The following PDHX variants were observed in gnomAD, a reference collection of about 807,000 sequenced individuals.
The protein encoded by PDHX is pyruvate dehydrogenase complex component X, also known as pyruvate dehydrogenase protein X component, mitochondrial.
Under a neutral mutation model 55.3 loss-of-function variants are expected in PDHX, and 33 were observed. That is an observed-to-expected ratio of 0.60 (90% CI 0.45 to 0.80). The LOEUF is 0.80. Among genes scored for constraint, PDHX ranks in the 30% least tolerant of loss-of-function variants. PDHX has a pLI of 0.00. For missense variants in PDHX, 622 were observed against 619.9 expected, an observed-to-expected ratio of 1.00 and a Z score of -0.04; for synonymous variants, 226 against 219.4, an observed-to-expected ratio of 1.03 and a Z score of -0.27.
chr11:34,986,658 T>C (rs1412093101), intron 9 of PDHX, among the ~76,000 whole-genome samples: 1 of 152,224 alleles, frequency 6.6e-6, no homozygotes, highest in Non-Finnish European at 1.5e-5. Context: ...TAAGTAGTTA[T>C]GTTAGCTTTC....
intron 9 of PDHX, among the ~76,000 whole-genome samples, chr11:34,987,729 A>AGT (rs112490795): frequency 0.066 from 9,809 of 149,152 alleles, 500 homozygotes; most frequent in African/African-American, 0.14. Flanking sequence ...AGAAACCCTG[A>AGT]GTGTGTGTGT....
intron 1 of PDHX, among the ~76,000 whole-genome samples, chr11:34,927,023 A>C (rs1259540510): frequency 2.0e-5 from 3 of 151,484 alleles, no homozygotes; most frequent in Admixed American, 1.3e-4. Context: ...GTAAAAAAAG[A>C]GTAAAATAGT....
chr11:34,939,728 A>C (rs2133954749), intron 2 of PDHX, among the ~76,000 whole-genome samples: 1 of 152,318 alleles, frequency 6.6e-6, no homozygotes, highest in African/African-American at 2.4e-5. Flanking sequence ...ATGCAGTATT[A>C]TAGCATATAA....
intron 3 of PDHX, 45 bp downstream of exon 3, chr11:34,947,651 G>T: frequency 7.9e-7 from 1 of 1,271,450 alleles, no homozygotes; most frequent in South Asian, 1.2e-5. Flanking sequence ...AAGATTTCTT[G>T]AGTGGAAAGT....
chr11:34,929,535 A>G (rs538838306), intron 1 of PDHX, among the ~76,000 whole-genome samples: 45 of 152,346 alleles, frequency 3.0e-4, no homozygotes, highest in Middle Eastern at 3.4e-3. Context: ...GAAAAGGCTT[A>G]TAAGGATATT....
At chr11:34,937,523 G>A (rs1404732330) in intron 2 of PDHX, among the ~76,000 whole-genome samples, 1 of 151,282 alleles carries the variant, frequency 6.6e-6, no homozygotes, top group African/African-American at 2.4e-5. Context: ...TTTGAATATG[G>A]TAAGATTTGA....
chr11:34,918,276 TAAA>T (rs11452994), intron 1 of PDHX, among the ~76,000 whole-genome samples: 2 of 142,324 alleles, frequency 1.4e-5, no homozygotes, highest in Non-Finnish European at 3.1e-5. Flanking sequence ...CGTCTCTACT[TAAA>T]AAAAAAAAAA....
intron 1 of PDHX, among the ~76,000 whole-genome samples, chr11:34,929,278 C>T (rs186253492): frequency 3.2e-3 from 494 of 152,258 alleles, no homozygotes; most frequent in African/African-American, 0.011. Flanking sequence ...GTCTGTTGCC[C>T]ATGCTGGAGT....
intron 1 of PDHX, among the ~76,000 whole-genome samples, chr11:34,917,797 A>T (rs1023617361): frequency 6.6e-6 from 1 of 152,182 alleles, no homozygotes. Context: ...TTCATAACAT[A>T]TTCCTTGGAG....
chr11:34,950,120 A>G (rs1854720857), intron 3 of PDHX, among the ~76,000 whole-genome samples: 1 of 151,978 alleles, frequency 6.6e-6, no homozygotes, highest in Non-Finnish European at 1.5e-5. Context: ...TGTATTCGTT[A>G]GATACCCCTT....
intron 2 of PDHX, among the ~76,000 whole-genome samples, chr11:34,933,645 C>T (rs1406953015): frequency 6.6e-6 from 1 of 152,136 alleles, no homozygotes; most frequent in Non-Finnish European, 1.5e-5. Flanking sequence ...ACCCCTAGAA[C>T]CCAGACTGTC....
intron 2 of PDHX, among the ~76,000 whole-genome samples, chr11:34,939,675 TATG>T (rs1673087978): frequency 6.6e-6 from 1 of 152,246 alleles, no homozygotes; most frequent in Non-Finnish European, 1.5e-5. Context: ...TTTATAATTC[TATG>T]ATAACTCATT....
intron 3 of PDHX, among the ~76,000 whole-genome samples, chr11:34,951,859 T>G (rs1173143876): frequency 1.3e-5 from 2 of 152,230 alleles, no homozygotes; most frequent in East Asian, 3.8e-4. Flanking sequence ...TAATCCACCT[T>G]GAATTAATTT....
At chr11:34,988,361 T>TG (rs1282347182) in intron 9 of PDHX, among the ~76,000 whole-genome samples, 2 of 151,982 alleles carry the variant, frequency 1.3e-5, no homozygotes, top group Non-Finnish European at 2.9e-5. Flanking sequence ...AAGCAACTGA[T>TG]GGGAAAAAAG....
intron 1 of PDHX, among the ~76,000 whole-genome samples, chr11:34,926,349 T>G (rs1854019940): frequency 6.6e-6 from 1 of 152,172 alleles, no homozygotes. Context: ...GACATTGGAA[T>G]GAGAAGTGAT....
intron 1 of PDHX, among the ~76,000 whole-genome samples, chr11:34,920,378 G>A (rs1840204585): frequency 6.6e-6 from 1 of 152,094 alleles, no homozygotes; most frequent in African/African-American, 2.4e-5. Flanking sequence ...ATAATTATAG[G>A]CAATACATAT....
intron 8 of PDHX, among the ~76,000 whole-genome samples, chr11:34,982,840 A>C (rs956857507): frequency 6.6e-6 from 1 of 152,232 alleles, no homozygotes; most frequent in African/African-American, 2.4e-5. Context: ...ATTCTACCAG[A>C]GGTACAAGGA....
rs1855139673 is a variant in PDHX, at chr11:34,966,733, G to A, written c.735G>A (p.Ser245=). 1.9e-6 allele frequency: 3 copies of A among 1,614,026 alleles called. No homozygotes were observed. Among genetic ancestry groups the A allele is most frequent in the Non-Finnish European group, 2.5e-6 (3 of 1,179,972 alleles). Residue 245 remains serine (S), a synonymous_variant, in exon 6 of 11, where the codon TCG becomes TCA. Coordinates refer to ENST00000227868, the MANE Select transcript of PDHX (RefSeq NM_003477.3). The stretch of plus-strand genomic sequence containing the variant: ...CCACAGCCACTCCCACAGCACCTTC[G>A]CCCCTACAGGCCACAGCTGGACCAT... ...PAPTATPTAP[S]PLQATAGPSY... is the part of the protein sequence containing the mutation.
intron 5 of PDHX, among the ~76,000 whole-genome samples, chr11:34,964,839 CTAGCTATTAGCATAT>C (rs1386401980): frequency 6.9e-5 from 10 of 144,270 alleles, no homozygotes; most frequent in African/African-American, 2.2e-4. Context: ...CTAATATTAG[CTAGCTATTAGCATAT>C]TATTAGCATA....
Sources: allele counts gnomAD v4.1 joint callset (sites outside exome capture counted in the v4.1 genomes callset), GRCh38; gene constraint gnomAD v4.1.1; transcripts MANE v1.5; gene names NCBI Gene and HGNC (gene_info 2026-07-23, HGNC 2026-07-21).